Variants in SEMA5B observed in about 807,000 individuals in gnomAD.
SEMA5B encodes the protein semaphorin-5B.
Under a neutral mutation model 135.0 loss-of-function variants are expected in SEMA5B, and 66 were observed. That is an observed-to-expected ratio of 0.49 (90% CI 0.40 to 0.60). SEMA5B has a LOEUF of 0.60. SEMA5B is among the 20% of genes least tolerant of loss of function. The probability of loss-of-function intolerance (pLI) is 0.00; values close to 1 mark genes in which losing one functional copy is unlikely to be tolerated. For missense variants in SEMA5B, 1,501 were observed against 1,566.3 expected, an observed-to-expected ratio of 0.96 and a Z score of 0.70; for synonymous variants, 690 against 639.5, an observed-to-expected ratio of 1.08 and a Z score of -1.19.
chr3:122,989,859 G>A (rs1941822929), intron 1 of SEMA5B, among the ~76,000 whole-genome samples: 1 of 152,190 alleles, frequency 6.6e-6, no homozygotes, highest in African/African-American at 2.4e-5. Context: ...CTCCCAAACA[G>A]TTGCTGGGGG....
At position 122,909,897 on chromosome 3, in the gene SEMA5B, T is replaced by A; in HGVS notation, c.*246A>T. 1 of 478,336 alleles carries A rather than the reference T, an allele frequency of 2.1e-6. No homozygotes were observed. Among genetic ancestry groups the A allele is most frequent in the East Asian group, 3.5e-5 (1 of 28,418 alleles). 29.6% of individuals were successfully genotyped at this position (478,336 alleles called of 1,614,324 possible). A position where few individuals can be genotyped will look rare whatever the true frequency, so the allele number is the denominator to read the frequency against. On this transcript the variant is annotated 3_prime_UTR_variant, in exon 23 of 23. Transcript: ENST00000357599. ...GCATAGTGTCAGCGTGACAGTGGGT[T>A]GGAAGATAACCATGAGAGACCTGGG... is the stretch of plus-strand genomic sequence containing the variant.
intron 1 of SEMA5B, among the ~76,000 whole-genome samples, chr3:123,001,322 T>C (rs1166418043): frequency 6.6e-6 from 1 of 152,032 alleles, no homozygotes; most frequent in East Asian, 1.9e-4. Context: ...AGCAGGCGTA[T>C]CATAGAGAAA....
chr3:122,922,401 C>A lies in SEMA5B; in HGVS notation c.1319G>T (p.Arg440Leu), dbSNP rs1425648580. 3 of 1,610,846 alleles carry A rather than the reference C, an allele frequency of 1.9e-6. No individual in the cohort carries two copies. The highest frequency in any genetic ancestry group is 1.7e-5 in the Admixed American group (1 of 59,760). Residue 440 changes from arginine (R) to leucine (L), a missense_variant, in exon 11 of 23, where the codon CGC becomes CTC. Coordinates refer to ENST00000357599, the MANE Select transcript of SEMA5B (RefSeq NM_001031702.4). Reference sequence around the variant, plus strand: ...GAGGCGCTGCGCGTCCTGCAGGCTGCGCTCCGTCAGGTTCTCGTTGGGACC... The same window carrying A: ...GAGGCGCTGCGCGTCCTGCAGGCTGAGCTCCGTCAGGTTCTCGTTGGGACC... ...ETGPNENLTE[R>L]SLQDAQRLFL...
intron 2 of SEMA5B, among the ~76,000 whole-genome samples, chr3:122,957,409 A>T (rs981455460): frequency 1.3e-5 from 2 of 152,242 alleles, no homozygotes; most frequent in Non-Finnish European, 2.9e-5. Context: ...ATGAGGGATC[A>T]GGCTGGAAGC....
intron 1 of SEMA5B, among the ~76,000 whole-genome samples, chr3:122,965,837 G>A (rs750684324): frequency 4.6e-5 from 7 of 152,218 alleles, no homozygotes; most frequent in Non-Finnish European, 7.3e-5. Flanking sequence ...GATGGCCCAG[G>A]ACCCAGGATT....
Position 122,918,993 on chromosome 3 carries a change from CTT to C in SEMA5B, c.1688+2920_1688+2921del, listed in dbSNP as rs63373262. On this transcript the variant is annotated intron_variant, in intron 12 of 22. Transcript: ENST00000357599. ...TCAGACCAATAATATATCACCATGT[CTT>C]TTTTTTTTTTTTTTTTTTTTTTTAC... Among the ~76,000 whole-genome samples the C allele has an allele frequency of 3.3e-3, 262 of 80,348 alleles. 1 individual carries two copies. Among genetic ancestry groups the C allele is most frequent in the Middle Eastern group, 0.014 (2 of 148 alleles). 52.7% of individuals were successfully genotyped at this position (80,348 alleles called of 152,430 possible). A position where few individuals can be genotyped will look rare whatever the true frequency, so the allele number is the denominator to read the frequency against.
intron 4 of SEMA5B, among the ~76,000 whole-genome samples, chr3:122,941,562 A>T (rs1190232464): frequency 6.6e-6 from 1 of 152,252 alleles, no homozygotes; most frequent in Admixed American, 6.5e-5. Flanking sequence ...ATTAGATTAA[A>T]TACATGTGTG....
intron 1 of SEMA5B, among the ~76,000 whole-genome samples, chr3:122,979,774 G>C (rs1246712858): frequency 6.6e-6 from 1 of 152,184 alleles, no homozygotes; most frequent in African/African-American, 2.4e-5. Flanking sequence ...AATAATGCCT[G>C]GCTATCTGGC....
chr3:122,911,524 C>T lies in SEMA5B; in HGVS notation c.3058G>A (p.Ala1020Thr), dbSNP rs1937704554. The T allele has an allele frequency of 6.2e-7, 1 of 1,610,274 alleles. No individual in the cohort carries two copies. Among genetic ancestry groups the T allele is most frequent in the Non-Finnish European group, 8.5e-7 (1 of 1,179,040 alleles). ...TCGGTGGCCTCCTCCATGCTGGAGG[C>T]TGGCAGGATGACTGCAGGAAGACCA... ...PYSEIPVILP[A>T]SSMEEATDCA... Residue 1020 changes from alanine to threonine, a missense_variant, in exon 21 of 23, where the codon GCC (alanine) becomes ACC (threonine). Coordinates refer to ENST00000357599, the MANE Select transcript of SEMA5B (RefSeq NM_001031702.4).
chr3:123,026,070 A>C (rs915402052), intron 1 of SEMA5B, among the ~76,000 whole-genome samples: 1 of 152,172 alleles, frequency 6.6e-6, no homozygotes, highest in Non-Finnish European at 1.5e-5. Flanking sequence ...GCAAGCAGGC[A>C]GGGAGGGCTG....
rs1483397938 is a variant in SEMA5B at position 122,913,868 on chromosome 3, G to A, written c.2122C>T (p.Arg708Trp). ...HGGRICVGKS[R>W]EERFCNENTP... ...CCTGTTCTCCCTCACCGTTCCTCCC[G>A]GCTCTTGCCCACGCAGATGCGGCCC... is the stretch of plus-strand genomic sequence containing the variant. Residue 708 changes from arginine (R) to tryptophan (W), a missense_variant, in exon 15 of 23, where the codon CGG becomes TGG. This residue lies in a region of SEMA5B where 927 missense variants were observed against 881.6 expected (regional missense o/e 1.05). Transcript: ENST00000357599. The A allele has an allele frequency of 1.9e-6, 3 of 1,607,178 alleles. No homozygotes were observed. The highest frequency in any genetic ancestry group is 2.5e-6 in the Non-Finnish European group (3 of 1,176,646).
At chr3:123,016,165 G>A (rs1284473733) in intron 1 of SEMA5B, among the ~76,000 whole-genome samples, 1 of 152,196 alleles carries the variant, frequency 6.6e-6, no homozygotes, top group Non-Finnish European at 1.5e-5. Flanking sequence ...TAACTTGAGG[G>A]AGCCCCACAT....
At chr3:122,994,752 A>G (rs1358877812) in intron 1 of SEMA5B, among the ~76,000 whole-genome samples, 1 of 152,190 alleles carries the variant, frequency 6.6e-6, no homozygotes. Flanking sequence ...AAGCTGCTAA[A>G]TCTCTGAGAC....
At chr3:122,973,645 A>G (rs1183769992) in intron 1 of SEMA5B, among the ~76,000 whole-genome samples, 1 of 152,160 alleles carries the variant, frequency 6.6e-6, no homozygotes, top group Non-Finnish European at 1.5e-5. Context: ...TGAAACAGTG[A>G]AGGGAAAGTG....
Position 122,926,675 on chromosome 3 carries a change from G to A in SEMA5B, c.853C>T (p.Pro285Ser). The A allele has an allele frequency of 6.2e-7, 1 of 1,609,736 alleles. No homozygotes were observed. Among genetic ancestry groups the A allele is most frequent in the African/African-American group, 1.3e-5 (1 of 74,982 alleles). ...ATATCATAGGCTGCCACGAAGTTTG[G>A]CTCTGGGTGGGCAGAAGAGGAACAA... ...AQYNSKWLNE[P>S]NFVAAYDIGL... The change falls in exon 9 of 23, where the codon CCA (proline) becomes TCA (serine). Residue 285 changes from proline to serine, a missense_variant and splice_region_variant. Transcript: ENST00000357599.
chr3:123,003,761 G>A (rs980142559), intron 1 of SEMA5B, among the ~76,000 whole-genome samples: 2 of 152,180 alleles, frequency 1.3e-5, no homozygotes, highest in Middle Eastern at 3.2e-3. Flanking sequence ...ATGAACCTTG[G>A]AGGCGGAGAT....
At chr3:122,933,386 C>T (rs576258852) in intron 5 of SEMA5B, among the ~76,000 whole-genome samples, 50 of 152,198 alleles carry the variant, frequency 3.3e-4, no homozygotes, top group African/African-American at 1.1e-3. Context: ...ATTTTAAAGG[C>T]ATTTATTCCT....
chr3:122,987,815 G>A (rs997057012), intron 1 of SEMA5B, among the ~76,000 whole-genome samples: 1 of 152,182 alleles, frequency 6.6e-6, no homozygotes, highest in Non-Finnish European at 1.5e-5. Context: ...GACATAAGTA[G>A]TGAGTTTTGT....
rs1011545992 is a variant in SEMA5B at position 123,008,936 on chromosome 3, A to C, written c.-39+18528T>G. On this transcript the variant is annotated intron_variant, in intron 1 of 22. Transcript: ENST00000357599. ...GCTGGGTGTCACCAAAGGACAGCCC[A>C]AAGAGCAGTGCCCTGCCTCCCACCA... is the stretch of plus-strand genomic sequence containing the variant. Among the ~76,000 whole-genome samples, 12 of 152,280 alleles carry C rather than the reference A, an allele frequency of 7.9e-5. No homozygotes were observed. In the East Asian group the frequency reaches 1.2e-3, roughly 15 times the overall value.
Sources: allele counts gnomAD v4.1 joint callset (sites outside exome capture counted in the v4.1 genomes callset), GRCh38; gene constraint gnomAD v4.1.1; regional missense constraint gnomAD v4.1.1; transcripts MANE v1.5; gene names NCBI Gene and HGNC (gene_info 2026-07-23, HGNC 2026-07-21).